Variants in MYLK observed in about 807,000 individuals in gnomAD.
MYLK encodes myosin light chain kinase, smooth muscle.
Under a neutral mutation model 203.4 loss-of-function variants are expected in MYLK, and 106 were observed. The observed-to-expected ratio is 0.52, with a 90% confidence interval of 0.45 to 0.61. The LOEUF (loss-of-function observed/expected upper bound fraction) is 0.61, where lower values mean the gene tolerates loss of function less well. Among genes scored for constraint, MYLK ranks in the 20% least tolerant of loss-of-function variants. The pLI is 0.00. For missense variants in MYLK, 2,072 were observed against 2,442.3 expected, an observed-to-expected ratio of 0.85 and a Z score of 3.20; for synonymous variants, 867 against 959.5, an observed-to-expected ratio of 0.90 and a Z score of 1.78.
At position 123,779,443 on chromosome 3, in the gene MYLK, G is replaced by T. The variant is rs184361876; in HGVS notation, c.165+14234C>A. Reference sequence around the variant, plus strand: ...GGCTCATTTTTCACTCCCCTGTCAGGCTTCCCAGCATTTGGTGGCCGGGTT... The same window carrying T: ...GGCTCATTTTTCACTCCCCTGTCAGTCTTCCCAGCATTTGGTGGCCGGGTT... On this transcript the variant is annotated intron_variant, in intron 4 of 33. Coordinates refer to ENST00000360304, the MANE Select transcript of MYLK (RefSeq NM_053025.4). Among the ~76,000 whole-genome samples the T allele has an allele frequency of 1.3e-4, 20 of 152,288 alleles. No individual in the cohort carries two copies. The East Asian group carries it at 3.7e-3, about 28-fold the overall frequency.
At chr3:123,634,731 G>A (rs921961755) in intron 29 of MYLK, among the ~76,000 whole-genome samples, 10 of 152,160 alleles carry the variant, frequency 6.6e-5, no homozygotes, top group Non-Finnish European at 1.5e-5. Context: ...GAGCTGTTGT[G>A]GCCTCCCCAC....
rs138971008 is a variant in MYLK, at chr3:123,669,907, C to T, written c.3653-2720G>A. ...AAAATTAGCCAGGTGTGGTGGTGTG[C>T]GCCTGTAATCCCAGCTACTCAGGCG... On this transcript the variant is annotated intron_variant, in intron 20 of 33. Transcript: ENST00000360304. Among the ~76,000 whole-genome samples, 39 of 151,632 alleles carry T rather than the reference C, an allele frequency of 2.6e-4. 1 individual carries two copies. The East Asian group carries it at 7.0e-3, about 27-fold the overall frequency.
At chr3:123,617,330 C>T (rs1456029548) in intron 33 of MYLK, 6 of 152,106 alleles carry the variant, frequency 3.9e-5, no homozygotes, top group African/African-American at 1.4e-4. Context: ...CTTCAGAAGA[C>T]CCAAATGCAA....
chr3:123,784,596 G>A (rs1396890258), intron 4 of MYLK, among the ~76,000 whole-genome samples: 1 of 151,682 alleles, frequency 6.6e-6, no homozygotes, highest in Non-Finnish European at 1.5e-5. Flanking sequence ...AAACTTACAG[G>A]ATTTACTTTC....
chr3:123,790,345 C>T (rs2064726587), intron 4 of MYLK, among the ~76,000 whole-genome samples: 1 of 152,184 alleles, frequency 6.6e-6, no homozygotes. Flanking sequence ...GCAACGGAAG[C>T]CTCTACAGTG....
intron 2 of MYLK, among the ~76,000 whole-genome samples, chr3:123,871,575 G>A (rs1354156895): frequency 1.3e-5 from 2 of 152,000 alleles, no homozygotes. Flanking sequence ...AGATTAAATA[G>A]ACAAATTATC....
At chr3:123,634,306 G>T (rs2058554600) in intron 29 of MYLK, among the ~76,000 whole-genome samples, 1 of 152,246 alleles carries the variant, frequency 6.6e-6, no homozygotes, top group South Asian at 2.1e-4. Flanking sequence ...CTCAGCAGCA[G>T]AGAGGGCAGC....
rs79361211 is a variant in MYLK, at chr3:123,661,999, T to C, written c.3985+2106A>G. On this transcript the variant is annotated intron_variant, in intron 23 of 33. Transcript: ENST00000360304. ...ACCTTTATCCTCGTGTCTTCCTTATTCACCTGGTTGGACAAGGACTTCTTC... is the reference window on the plus strand; with the variant it reads ...ACCTTTATCCTCGTGTCTTCCTTATCCACCTGGTTGGACAAGGACTTCTTC... 5.4e-3 allele frequency among the ~76,000 whole-genome samples: 828 copies of C among 152,294 alleles called. 9 individuals carry two copies. Among genetic ancestry groups the C allele is most frequent in the African/African-American group, 0.019 (769 of 41,554 alleles).
chr3:123,828,822 TA>T (rs1376827109), intron 3 of MYLK, among the ~76,000 whole-genome samples: 1 of 152,098 alleles, frequency 6.6e-6, no homozygotes, highest in Non-Finnish European at 1.5e-5. Flanking sequence ...AGAAGAAATA[TA>T]AATTGCCAAC....
chr3:123,860,278 T>C (rs1333473157), intron 2 of MYLK, among the ~76,000 whole-genome samples: 1 of 152,198 alleles, frequency 6.6e-6, no homozygotes, highest in Non-Finnish European at 1.5e-5. Flanking sequence ...CACTGTCTCC[T>C]AGACCTGCAG....
chr3:123,753,339 C>T (rs1172900118), intron 4 of MYLK, among the ~76,000 whole-genome samples: 1 of 152,204 alleles, frequency 6.6e-6, no homozygotes, highest in Non-Finnish European at 1.5e-5. Flanking sequence ...GTTACAATTA[C>T]ATCCAGGCCT....
intron 2 of MYLK, among the ~76,000 whole-genome samples, chr3:123,835,308 A>G (rs2066447714): frequency 6.6e-6 from 1 of 152,206 alleles, no homozygotes; most frequent in Admixed American, 6.5e-5. Flanking sequence ...CCTGAGGTTC[A>G]ATATGGCAAT....
intron 20 of MYLK, among the ~76,000 whole-genome samples, chr3:123,678,596 G>A (rs2060152814): frequency 6.6e-6 from 1 of 151,854 alleles, no homozygotes; most frequent in Non-Finnish European, 1.5e-5. Context: ...CAGGAAAGAT[G>A]GATTTCCCTC....
Position 123,707,016 on chromosome 3 carries a change from C to A in MYLK, c.2390+738G>T, listed in dbSNP as rs1345399365. 2.0e-5 allele frequency among the ~76,000 whole-genome samples: 3 copies of A among 152,230 alleles called. No homozygotes were observed. The East Asian group carries it at 5.8e-4, about 29-fold the overall frequency. On this transcript the variant is annotated intron_variant, in intron 16 of 33. Transcript: ENST00000360304. ...CAAAGTCGGAAGTGATGGCGTGTGG[C>A]TTCCAAGGGTAGGTCTTAAAAGACA...
At chr3:123,872,376 T>C (rs530936799) in intron 2 of MYLK, among the ~76,000 whole-genome samples, 1 of 152,296 alleles carries the variant, frequency 6.6e-6, no homozygotes, top group East Asian at 1.9e-4. Context: ...ACCAGCTGCG[T>C]CTTACAATCC....
chr3:123,644,806 G>C (rs572268229), intron 27 of MYLK, among the ~76,000 whole-genome samples: 2 of 152,266 alleles, frequency 1.3e-5, no homozygotes, highest in South Asian at 4.2e-4. Flanking sequence ...TTTGAATTTG[G>C]GGCTGAATGT....
At chr3:123,704,344 G>C (rs1276073104) in intron 16 of MYLK, among the ~76,000 whole-genome samples, 2 of 152,192 alleles carry the variant, frequency 1.3e-5, no homozygotes, top group African/African-American at 2.4e-5. Flanking sequence ...TAAGCTGCTG[G>C]AACAGGGTCT....
At chr3:123,858,322 T>G (rs2031593134) in intron 2 of MYLK, among the ~76,000 whole-genome samples, 1 of 152,178 alleles carries the variant, frequency 6.6e-6, no homozygotes, top group African/African-American at 2.4e-5. Context: ...AGAAATGTGA[T>G]TCTAACCTTT....
At chr3:123,731,846 T>C (rs1202673539) in intron 11 of MYLK, among the ~76,000 whole-genome samples, 2 of 151,968 alleles carry the variant, frequency 1.3e-5, no homozygotes, top group Admixed American at 1.3e-4. Context: ...TTATATTAAA[T>C]CTTATCAGTG....
Sources: gnomAD v4.1 joint callset for allele counts (sites outside exome capture counted in the v4.1 genomes callset) on GRCh38, gnomAD v4.1.1 for gene constraint, MANE v1.5 for transcripts, NCBI Gene and HGNC (gene_info 2026-07-23, HGNC 2026-07-21) for gene names.